CCDC174: variants seen among roughly 807,000 people sequenced by gnomAD.
The protein encoded by CCDC174 is coiled-coil domain-containing protein 174.
In CCDC174, 37 loss-of-function variants were observed where a neutral mutation model predicts 57.1. The ratio of observed to expected loss-of-function variants is 0.65; its 90% CI spans 0.50 to 0.85. The LOEUF (loss-of-function observed/expected upper bound fraction) is 0.85. CCDC174 is among the 40% of genes least tolerant of loss of function. The pLI is 0.00. For synonymous variants in CCDC174, 182 were observed against 190.2 expected (o/e 0.96, Z 0.35); for missense variants, 540 against 574.3 (o/e 0.94, Z 0.61).
chr3:14,666,056 A>G (rs1291060658), intron 6 of CCDC174, among the ~76,000 whole-genome samples: 6 of 135,540 alleles, frequency 4.4e-5, no homozygotes, highest in African/African-American at 7.6e-5. Flanking sequence ...AAAAAAAAAA[A>G]AAAAGAAAGA....
chr3:14,656,359 T>C (rs1439614045), intron 3 of CCDC174, among the ~76,000 whole-genome samples: 11 of 152,360 alleles, frequency 7.2e-5, no homozygotes, highest in Admixed American at 2.0e-4. Flanking sequence ...AATCTAGAAC[T>C]GTTCCCTTGC....
intron 8 of CCDC174, 70 bp from the exon 9 acceptor site, chr3:14,667,979 A>AT: frequency 6.7e-7 from 1 of 1,483,124 alleles, no homozygotes; most frequent in Non-Finnish European, 9.1e-7. Flanking sequence ...TTAGAAGAAA[A>AT]TTTCATCTTT....
chr3:14,658,090 C>T (rs1205048390), intron 3 of CCDC174, among the ~76,000 whole-genome samples: 2 of 152,260 alleles, frequency 1.3e-5, no homozygotes, highest in East Asian at 3.8e-4. Flanking sequence ...TCTCTGCTGG[C>T]ATGCGTTTCT....
intron 6 of CCDC174, among the ~76,000 whole-genome samples, chr3:14,666,029 C>T (rs560449295): frequency 3.7e-5 from 4 of 107,648 alleles, no homozygotes; most frequent in Admixed American, 1.2e-4. Flanking sequence ...CAGAGCGAGA[C>T]TCCGTCTCAA....
At position 14,654,468 on chromosome 3, in the gene CCDC174, T is replaced by A. The variant is rs200529609; in HGVS notation, c.85T>A (p.Phe29Ile). ...KAELFRKQEE[F>I]KQEKLLKDSG... ...TGAACTCTTCCGAAAGCAAGAAGAA[T>A]TCAAACAAGAAAAACTTCTAAAAGA... Residue 29 changes from phenylalanine (F) to isoleucine (I), a missense_variant, in exon 2 of 11, where the codon TTC becomes ATC. Phe to Ile is a conservative substitution (Grantham distance 21). Coordinates refer to ENST00000383794, the MANE Select transcript of CCDC174 (RefSeq NM_016474.5). 79 of 1,608,012 alleles carry A rather than the reference T, an allele frequency of 4.9e-5. No individual in the cohort carries two copies. The highest frequency in any genetic ancestry group is 5.7e-5 in the Non-Finnish European group (67 of 1,177,560).
intron 3 of CCDC174, among the ~76,000 whole-genome samples, chr3:14,656,263 A>G (rs1401592532): frequency 1.3e-5 from 2 of 152,142 alleles, no homozygotes; most frequent in African/African-American, 4.8e-5. Context: ...TCCCAGTACA[A>G]TTATGTATTT....
In CCDC174 at chr3:14,670,968, C is replaced by T. The variant is rs775202853; in HGVS notation, c.1178C>T (p.Pro393Leu). 8.7e-6 allele frequency: 14 copies of T among 1,613,992 alleles called. No individual in the cohort carries two copies. Among genetic ancestry groups the T allele is most frequent in the Middle Eastern group, 1.6e-4 (1 of 6,084 alleles). ...GAGAGAGATCCTGAGTTTGCCCCGC[C>T]GTCAGATTACTTTGTGGGTCAGAAG... ...RAERDPEFAPPSDYFVGQKRT... is the reference protein window; with the variant it reads ...RAERDPEFAPLSDYFVGQKRT... Residue 393 changes from proline to leucine, a missense_variant, in exon 11 of 11, where the codon CCG (proline) becomes CTG (leucine). Pro to Leu is a moderately conservative substitution (Grantham distance 98, BLOSUM62 -3). Coordinates refer to ENST00000383794, the MANE Select transcript of CCDC174 (RefSeq NM_016474.5).
intron 10 of CCDC174, 101 bp downstream of exon 10, chr3:14,670,187 G>A (rs2031466908): frequency 8.2e-7 from 1 of 1,218,426 alleles, no homozygotes; most frequent in Non-Finnish European, 1.1e-6. Context: ...GTGCTGCCTT[G>A]TGTGGTTTTA....
intron 2 of CCDC174, among the ~76,000 whole-genome samples, chr3:14,654,945 A>G (rs954798818): frequency 6.6e-6 from 1 of 152,238 alleles, no homozygotes; most frequent in South Asian, 2.1e-4. Flanking sequence ...TCTCTGTAAT[A>G]TGTACATTTT....
intron 5 of CCDC174, among the ~76,000 whole-genome samples, chr3:14,663,182 T>C (rs2031209221): frequency 6.6e-6 from 1 of 152,050 alleles, no homozygotes; most frequent in African/African-American, 2.4e-5. Flanking sequence ...GTTTTTAATT[T>C]TTTTTGTAGA....
At chr3:14,670,143 T>C in intron 10 of CCDC174, 57 bp downstream of exon 10, 1 of 1,545,104 alleles carries the variant, frequency 6.5e-7, no homozygotes, top group Non-Finnish European at 8.7e-7. Context: ...AAATGGTTTT[T>C]TTTCTAGAAG....
At chr3:14,653,713 C>G (rs2030856121) in intron 1 of CCDC174, among the ~76,000 whole-genome samples, 1 of 152,170 alleles carries the variant, frequency 6.6e-6, no homozygotes, top group Non-Finnish European at 1.5e-5. Context: ...GTTCTTGAAC[C>G]GTGTGATTCA....
intron 8 of CCDC174, 51 bp from the exon 9 acceptor site, chr3:14,667,998 G>C (rs763487788): frequency 1.1e-5 from 17 of 1,544,736 alleles, no homozygotes; most frequent in Non-Finnish European, 1.4e-5. Context: ...TTTTGGACAG[G>C]AATATTGCAA....
At chr3:14,660,305 A>G (rs1002733642) in intron 4 of CCDC174, among the ~76,000 whole-genome samples, 1 of 152,196 alleles carries the variant, frequency 6.6e-6, no homozygotes, top group African/African-American at 2.4e-5. Context: ...GGAGTTTGAG[A>G]CCAGCCCAGC....
intron 5 of CCDC174, among the ~76,000 whole-genome samples, chr3:14,663,976 A>G (rs553347533): frequency 4.6e-5 from 7 of 152,304 alleles, no homozygotes; most frequent in Admixed American, 1.3e-4. Context: ...GGTGGTAGAA[A>G]ATCTTTCCGT....
intron 6 of CCDC174, among the ~76,000 whole-genome samples, chr3:14,665,401 A>G (rs1233857117): frequency 6.6e-6 from 1 of 152,164 alleles, no homozygotes; most frequent in Non-Finnish European, 1.5e-5. Context: ...CCCAAACGAA[A>G]CCAGCAAACC....
Position 14,655,594 on chromosome 3 carries a change from G to A in CCDC174, c.213G>A (p.Gln71=), listed in dbSNP as rs1189084932. The change falls in exon 3 of 11, where the codon CAG becomes CAA. Residue 71 remains glutamine (Q), a synonymous_variant. Coordinates refer to ENST00000383794, the MANE Select transcript of CCDC174 (RefSeq NM_016474.5). ...VSNRAEKDAE[Q]KIEEQKTLDK... ...ATCGAGCTGAGAAGGATGCTGAACA[G>A]AAGATTGAAGAACAGAAGACTTTAG... 6.2e-6 allele frequency: 10 copies of A among 1,609,300 alleles called. No homozygotes were observed. The Admixed American group carries it at 1.7e-4, about 27-fold the overall frequency.
rs1315744673 is a variant in CCDC174 at position 14,669,915 on chromosome 3, A to G, written c.953-19A>G. 3.1e-6 allele frequency: 5 copies of G among 1,612,918 alleles called. No homozygotes were observed. The highest frequency in any genetic ancestry group is 2.2e-5 in the East Asian group (1 of 44,862). On this transcript the variant is annotated intron_variant, in intron 9 of 10. Transcript: ENST00000383794. The stretch of plus-strand genomic sequence containing the variant: ...TTAGGCTTTTTTATAACAGTGTCTT[A>G]TTCTTTTACAAAAAATAGATGGAGA...
intron 4 of CCDC174, among the ~76,000 whole-genome samples, chr3:14,660,589 T>G (rs1222214697): frequency 2.6e-5 from 4 of 152,230 alleles, no homozygotes; most frequent in Non-Finnish European, 5.9e-5. Flanking sequence ...AGAAATCAGG[T>G]CCAAAGGAGT....
Sources: gnomAD v4.1 joint callset for allele counts (sites outside exome capture counted in the v4.1 genomes callset) on GRCh38, gnomAD v4.1.1 for gene constraint, MANE v1.5 for transcripts, NCBI Gene and HGNC (gene_info 2026-07-23, HGNC 2026-07-21) for gene names.